APBB2: variants seen among roughly 807,000 people sequenced by gnomAD.
APBB2 encodes the protein Fe65-like 1.
APBB2 carries 38 observed loss-of-function variants against 82.5 expected under a neutral mutation model. That is an observed-to-expected ratio of 0.46 (90% confidence interval 0.36 to 0.60). APBB2 has a LOEUF of 0.60. Among genes scored for constraint, APBB2 ranks in the 20% least tolerant of loss-of-function variants. The pLI, the probability that APBB2 is intolerant of heterozygous loss-of-function variation, is 0.00. For synonymous variants in APBB2, 341 were observed against 368.2 expected (o/e 0.93, Z 0.85); for missense variants, 772 against 972.3 (o/e 0.79, Z 2.74).
intron 10 of APBB2, among the ~76,000 whole-genome samples, chr4:40,915,987 T>C (rs189938430): frequency 1.3e-5 from 2 of 151,660 alleles, no homozygotes; most frequent in East Asian, 3.9e-4. Flanking sequence ...CTTTAAAGAG[T>C]TTCTTTGGTA....
intron 12 of APBB2, among the ~76,000 whole-genome samples, chr4:40,856,244 A>G (rs944693954): frequency 6.6e-6 from 1 of 152,220 alleles, no homozygotes; most frequent in Non-Finnish European, 1.5e-5. Context: ...AGTAATGAAG[A>G]TTCACAGCTA....
chr4:41,174,518 G>A (rs1769228927), intron 1 of APBB2, among the ~76,000 whole-genome samples: 1 of 152,178 alleles, frequency 6.6e-6, no homozygotes, highest in Non-Finnish European at 1.5e-5. Flanking sequence ...ACTACTCAAT[G>A]TGTGGTCTAG....
intron 2 of APBB2, among the ~76,000 whole-genome samples, chr4:41,138,896 A>C (rs1417563503): frequency 6.6e-6 from 1 of 152,204 alleles, no homozygotes; most frequent in African/African-American, 2.4e-5. Context: ...GGTTGCAGGA[A>C]ACAAGATCAT....
At chr4:40,938,181 T>C (rs926986230) in intron 7 of APBB2, among the ~76,000 whole-genome samples, 2 of 152,248 alleles carry the variant, frequency 1.3e-5, no homozygotes, top group African/African-American at 4.8e-5. Flanking sequence ...CACAGCTGAG[T>C]GACATTCTGG....
intron 5 of APBB2, among the ~76,000 whole-genome samples, chr4:41,021,296 C>T (rs896452693): frequency 6.6e-6 from 1 of 152,198 alleles, no homozygotes; most frequent in Non-Finnish European, 1.5e-5. Context: ...GTGGCTAGAG[C>T]AGTCATCACC....
chr4:40,967,156 G>A (rs1297661635), intron 6 of APBB2, among the ~76,000 whole-genome samples: 2 of 152,170 alleles, frequency 1.3e-5, no homozygotes, highest in Non-Finnish European at 2.9e-5. Flanking sequence ...ACAACAGGAT[G>A]ACCTGGCTGT....
chr4:40,905,010 C>T (rs1241983226), intron 10 of APBB2, among the ~76,000 whole-genome samples: 1 of 152,124 alleles, frequency 6.6e-6, no homozygotes, highest in Non-Finnish European at 1.5e-5. Context: ...CTGCCATTAA[C>T]TTAACTTTCC....
chr4:41,208,252 G>A (rs1341312827), intron 1 of APBB2, among the ~76,000 whole-genome samples: 1 of 151,942 alleles, frequency 6.6e-6, no homozygotes, highest in African/African-American at 2.4e-5. Context: ...CTTCTACCTC[G>A]ATTCCAATAT....
intron 1 of APBB2, among the ~76,000 whole-genome samples, chr4:41,191,930 T>C (rs544361507): frequency 1.7e-4 from 26 of 149,290 alleles, no homozygotes; most frequent in African/African-American, 6.3e-4. Context: ...TACAACTCAA[T>C]AGTAGAAAAA....
chr4:41,153,944 A>G (rs1762877398), intron 1 of APBB2, among the ~76,000 whole-genome samples: 2 of 152,186 alleles, frequency 1.3e-5, no homozygotes, highest in African/African-American at 4.8e-5. Flanking sequence ...CCTAGTTTAT[A>G]TTGAAGCTCC....
chr4:41,097,320 CA>C (rs998750247), intron 3 of APBB2, among the ~76,000 whole-genome samples: 2 of 152,200 alleles, frequency 1.3e-5, no homozygotes, highest in Non-Finnish European at 2.9e-5. Flanking sequence ...GCCTCCTATT[CA>C]GAATATGTCT....
At chr4:41,179,998 T>G (rs1560968061) in intron 1 of APBB2, among the ~76,000 whole-genome samples, 1 of 152,358 alleles carries the variant, frequency 6.6e-6, no homozygotes, top group African/African-American at 2.4e-5. Flanking sequence ...ATCCAACTAA[T>G]CCTTCTCTTT....
At chr4:40,883,622 C>T (rs914360822) in intron 12 of APBB2, among the ~76,000 whole-genome samples, 6 of 150,418 alleles carry the variant, frequency 4.0e-5, no homozygotes, top group East Asian at 2.0e-4. Flanking sequence ...CTTAACTCTA[C>T]GGAACAGTAG....
intron 10 of APBB2, among the ~76,000 whole-genome samples, chr4:40,921,174 C>A (rs930201424): frequency 6.6e-6 from 1 of 152,176 alleles, no homozygotes; most frequent in East Asian, 1.9e-4. Context: ...ATAATGGCCT[C>A]ACACCACCTT....
intron 10 of APBB2, among the ~76,000 whole-genome samples, chr4:40,907,095 A>G (rs1318432359): frequency 6.6e-6 from 1 of 152,040 alleles, no homozygotes; most frequent in Non-Finnish European, 1.5e-5. Flanking sequence ...TGTTCAATCA[A>G]CTTAATCCAC....
At chr4:40,846,625 A>C (rs1046387715) in intron 12 of APBB2, among the ~76,000 whole-genome samples, 2 of 152,186 alleles carry the variant, frequency 1.3e-5, no homozygotes, top group Admixed American at 6.5e-5. Context: ...TTCCAAAGCA[A>C]GCTCCCCTCC....
chr4:41,184,427 T>C (rs1299324512), intron 1 of APBB2, among the ~76,000 whole-genome samples: 1 of 152,170 alleles, frequency 6.6e-6, no homozygotes, highest in African/African-American at 2.4e-5. Flanking sequence ...CTGGCCCCCT[T>C]ATTGTTCCTC....
At chr4:41,214,015 G>A (rs1780001442) in intron 1 of APBB2, among the ~76,000 whole-genome samples, 1 of 152,176 alleles carries the variant, frequency 6.6e-6, no homozygotes, top group African/African-American at 2.4e-5. Context: ...TCCCCACCCG[G>A]GCGCACCGCC....
intron 1 of APBB2, among the ~76,000 whole-genome samples, chr4:41,146,026 CA>C (rs1376144101): frequency 6.6e-6 from 1 of 151,654 alleles, no homozygotes; most frequent in African/African-American, 2.4e-5. Flanking sequence ...CCTATCTCTA[CA>C]AAAAATTTTA....
Sources: gnomAD v4.1 joint callset for allele counts (sites outside exome capture counted in the v4.1 genomes callset) on GRCh38, gnomAD v4.1.1 for gene constraint, MANE v1.5 for transcripts, NCBI Gene and HGNC (gene_info 2026-07-23, HGNC 2026-07-21) for gene names.